Variants in THRB observed in about 807,000 individuals in gnomAD.
THRB encodes nuclear receptor subfamily 1 group A member 2.
In THRB, 12 loss-of-function variants were observed where a neutral mutation model predicts 47.8. The ratio of observed to expected loss-of-function variants is 0.25; its 90% CI spans 0.16 to 0.41. THRB has a LOEUF of 0.41. Ranked by LOEUF, THRB falls within the 10% of genes least tolerant of loss-of-function variation. The probability of loss-of-function intolerance (pLI) is 1.00; values close to 1 mark genes in which losing one functional copy is unlikely to be tolerated. For synonymous variants in THRB, 218 were observed against 212.2 expected, an observed-to-expected ratio of 1.03 and a Z score of -0.24; for missense variants, 348 against 589.2, an observed-to-expected ratio of 0.59 and a Z score of 4.24.
At chr3:24,314,642 G>A (rs2057990728) in intron 2 of THRB, among the ~76,000 whole-genome samples, 1 of 152,252 alleles carries the variant, frequency 6.6e-6, no homozygotes, top group Non-Finnish European at 1.5e-5. Flanking sequence ...TCCTTCTCAT[G>A]CTTAAAAATA....
At chr3:24,165,362 C>A in intron 5 of THRB, 1 of 754,810 alleles carries the variant, frequency 1.3e-6, no homozygotes, top group Non-Finnish European at 2.4e-6. Flanking sequence ...CATTTTGTTT[C>A]CCTGGTTCAG....
chr3:24,250,895 A>T (rs1038447189), intron 3 of THRB, among the ~76,000 whole-genome samples: 4 of 152,092 alleles, frequency 2.6e-5, no homozygotes, highest in Non-Finnish European at 5.9e-5. Flanking sequence ...GAAAAACAGA[A>T]TACTGCAAAA....
intron 1 of THRB, among the ~76,000 whole-genome samples, chr3:24,465,405 T>G (rs2074053837): frequency 6.6e-6 from 1 of 152,026 alleles, no homozygotes; most frequent in African/African-American, 2.4e-5. Flanking sequence ...CTGCCTGGGG[T>G]TTAGAATTAT....
chr3:24,278,023 G>C (rs1336208645), intron 3 of THRB, among the ~76,000 whole-genome samples: 1 of 152,216 alleles, frequency 6.6e-6, no homozygotes, highest in Non-Finnish European at 1.5e-5. Flanking sequence ...CAGAAGTCTA[G>C]TTCTGTTCTT....
chr3:24,239,977 G>A (rs1245830162), intron 3 of THRB, among the ~76,000 whole-genome samples: 1 of 152,092 alleles, frequency 6.6e-6, no homozygotes, highest in Non-Finnish European at 1.5e-5. Flanking sequence ...GGATTTGCAT[G>A]GTGTCTGACA....
chr3:24,485,502 TCTCTCACTCAAGACCTATC>T (rs1697159847), intron 1 of THRB, among the ~76,000 whole-genome samples: 1 of 152,162 alleles, frequency 6.6e-6, no homozygotes, highest in South Asian at 2.1e-4. Context: ...TCACCTCCAG[TCTCTCACTCAAGACCTATC>T]CCAAAGAACT....
At chr3:24,481,209 G>A (rs1025635009) in intron 1 of THRB, among the ~76,000 whole-genome samples, 15 of 118,970 alleles carry the variant, frequency 1.3e-4, no homozygotes, top group African/African-American at 5.2e-4. Flanking sequence ...GTTTTTATAT[G>A]TGTGGATGCG....
At chr3:24,423,158 C>T (rs914859653) in intron 1 of THRB, among the ~76,000 whole-genome samples, 7 of 151,858 alleles carry the variant, frequency 4.6e-5, no homozygotes, top group Non-Finnish European at 8.8e-5. Flanking sequence ...AAGCCTGAGT[C>T]GGTGACCCCC....
At chr3:24,376,132 G>GA (rs1229679315) in intron 1 of THRB, among the ~76,000 whole-genome samples, 2 of 151,570 alleles carry the variant, frequency 1.3e-5, no homozygotes, top group East Asian at 1.9e-4. Flanking sequence ...GCAGTATATT[G>GA]AAAAAAAAGG....
chr3:24,380,874 T>C (rs2065655987), intron 1 of THRB, among the ~76,000 whole-genome samples: 1 of 152,140 alleles, frequency 6.6e-6, no homozygotes, highest in African/African-American at 2.4e-5. Flanking sequence ...CCCAACACTT[T>C]GGAAAGCCGA....
At position 24,190,156 on chromosome 3, in the gene THRB, T is replaced by A. The variant is rs943193158; in HGVS notation, c.201A>T (p.Ile67=). ...HLIQTTWTSS[I]FHLDHDDVND... is the part of the protein sequence containing the mutation. ...TCACATCATCATGGTCCAGATGGAA[T>A]ATTGAGCTAGTCCAAGTGGTCTGGA... The change falls in exon 5 of 11, where the codon ATA becomes ATT. Residue 67 remains isoleucine, a synonymous_variant. Coordinates refer to ENST00000646209, the MANE Select transcript of THRB (RefSeq NM_001354712.2). 13 of 1,614,090 alleles carry A rather than the reference T, an allele frequency of 8.1e-6. No homozygotes were observed. The highest frequency in any genetic ancestry group is 1.0e-5 in the Non-Finnish European group (12 of 1,179,946).
At chr3:24,148,529 T>C (rs1191127688) in intron 6 of THRB, among the ~76,000 whole-genome samples, 1 of 152,254 alleles carries the variant, frequency 6.6e-6, no homozygotes, top group Non-Finnish European at 1.5e-5. Flanking sequence ...CCCAAAGTGC[T>C]GGGATTACAG....
intron 4 of THRB, among the ~76,000 whole-genome samples, chr3:24,201,430 G>A (rs2044586811): frequency 6.6e-6 from 1 of 152,144 alleles, no homozygotes; most frequent in Non-Finnish European, 1.5e-5. Flanking sequence ...CTGGGAATTT[G>A]TTAGAAATGT....
intron 1 of THRB, among the ~76,000 whole-genome samples, chr3:24,382,449 A>G (rs952489431): frequency 2.0e-5 from 3 of 152,156 alleles, no homozygotes; most frequent in African/African-American, 7.2e-5. Context: ...AGACTGGTAA[A>G]CATTAACAAC....
chr3:24,233,560 G>GAAGAAAGAAAGAGA (rs1553658177), intron 3 of THRB, among the ~76,000 whole-genome samples: 5,326 of 77,304 alleles, frequency 0.069, 357 homozygotes, highest in African/African-American at 0.17. Flanking sequence ...AAAGAAAAAG[G>GAAGAAAGAAAGAGA]AAGAAAGAAA....
intron 1 of THRB, among the ~76,000 whole-genome samples, chr3:24,358,394 A>AC (rs150459236): frequency 0.057 from 8,711 of 152,178 alleles, 806 homozygotes; most frequent in African/African-American, 0.2. Context: ...CTTGTCTGGT[A>AC]CTTTAATGGT....
chr3:24,378,664 G>A (rs1014833969), intron 1 of THRB, among the ~76,000 whole-genome samples: 4 of 152,094 alleles, frequency 2.6e-5, no homozygotes, highest in Non-Finnish European at 5.9e-5. Context: ...GCTTCAGGGA[G>A]ACACATGGGA....
At chr3:24,205,996 C>T (rs2045297650) in intron 4 of THRB, among the ~76,000 whole-genome samples, 1 of 152,248 alleles carries the variant, frequency 6.6e-6, no homozygotes, top group African/African-American at 2.4e-5. Flanking sequence ...CCCAGATTCA[C>T]AAAGCAAGTC....
rs541259787 is a variant in THRB, at chr3:24,308,197, TAAAAC to T, written c.-188-10831_-188-10827del. On this transcript the variant is annotated intron_variant, in intron 2 of 10. Transcript: ENST00000646209. ...TGGAGGAAAAGAAAAAAATAAAAAT[TAAAAC>T]AAAAGAAGCTCTAGGCAGTTGAACT... Among the ~76,000 whole-genome samples, 40 of 152,166 alleles carry T rather than the reference TAAAAC, an allele frequency of 2.6e-4. No homozygotes were observed. The East Asian group carries it at 6.4e-3, about 24-fold the overall frequency.
Sources: gnomAD v4.1 joint callset for allele counts (sites outside exome capture counted in the v4.1 genomes callset) on GRCh38, gnomAD v4.1.1 for gene constraint, MANE v1.5 for transcripts, NCBI Gene and HGNC (gene_info 2026-07-23, HGNC 2026-07-21) for gene names.